ITGBL1: variants seen among roughly 807,000 people sequenced by gnomAD.
ITGBL1 encodes integrin subunit beta like 1, also known as integrin beta-like protein 1.
In ITGBL1, 51 loss-of-function variants were observed where a neutral mutation model predicts 68.5. That is an observed-to-expected ratio of 0.74 (90% CI 0.59 to 0.94). The LOEUF is 0.94. Among genes scored for constraint, ITGBL1 ranks in the 40% least tolerant of loss-of-function variants. The pLI is 0.00. For missense variants in ITGBL1, 649 were observed against 647.4 expected, an observed-to-expected ratio of 1.00 and a Z score of -0.03; for synonymous variants, 209 against 227.3, an observed-to-expected ratio of 0.92 and a Z score of 0.72.
intron 6 of ITGBL1, among the ~76,000 whole-genome samples, chr13:101,596,667 G>A (rs575156867): frequency 3.9e-5 from 6 of 152,000 alleles, no homozygotes; most frequent in Non-Finnish European, 8.8e-5. Flanking sequence ...GTTTGACCGT[G>A]GTTGTGAGAC....
chr13:101,497,828 G>A (rs951042824), intron 2 of ITGBL1, among the ~76,000 whole-genome samples: 6 of 151,462 alleles, frequency 4.0e-5, no homozygotes, highest in African/African-American at 1.5e-4. Context: ...CAAATATTTT[G>A]TCTCTTCTCA....
chr13:101,552,576 A>T (rs976988674), intron 2 of ITGBL1, among the ~76,000 whole-genome samples: 1 of 152,180 alleles, frequency 6.6e-6, no homozygotes, highest in Non-Finnish European at 1.5e-5. Flanking sequence ...TCCTTGTTTT[A>T]AGTCAGATCA....
At position 101,550,052 on chromosome 13, in the gene ITGBL1, A is replaced by G. The variant is rs552719230; in HGVS notation, c.317-17647A>G. ...AAAGGACTGCTAGATGATTATGGCT[A>G]TATACTATAGTCACAAATTATGCAT... On this transcript the variant is annotated intron_variant, in intron 2 of 10. Coordinates refer to ENST00000376180, the MANE Select transcript of ITGBL1 (RefSeq NM_004791.3). Among the ~76,000 whole-genome samples, 9 of 152,336 alleles carry G rather than the reference A, an allele frequency of 5.9e-5. No homozygotes were observed. In the South Asian group the frequency reaches 1.9e-3, roughly 32 times the overall value.
intron 7 of ITGBL1, among the ~76,000 whole-genome samples, chr13:101,692,050 A>G (rs976280479): frequency 1.3e-5 from 2 of 152,208 alleles, no homozygotes; most frequent in African/African-American, 4.8e-5. Context: ...TATTTAGGTT[A>G]TGCTCTTTGA....
At chr13:101,605,837 T>TATACATATGTATATGTGTATATATAC (rs1477995735) in intron 7 of ITGBL1, among the ~76,000 whole-genome samples, 10 of 149,908 alleles carry the variant, frequency 6.7e-5, no homozygotes, top group Non-Finnish European at 1.5e-5. Context: ...TGTATATATA[T>TATACATATGTATATGTGTATATATAC]GCATATACAT....
At chr13:101,690,465 T>C (rs1048464851) in intron 7 of ITGBL1, among the ~76,000 whole-genome samples, 19 of 152,176 alleles carry the variant, frequency 1.2e-4, no homozygotes, top group African/African-American at 4.1e-4. Flanking sequence ...CTGGAATGCA[T>C]TGCCCCTCAG....
downstream of ITGBL1, chr13:101,720,680 A>T (rs1329725345): frequency 6.6e-6 from 1 of 152,032 alleles, no homozygotes; most frequent in Admixed American, 6.6e-5. Context: ...ATATTATGGG[A>T]TCTATGTTTT....
chr13:101,464,674 C>T (rs1270413796), intron 2 of ITGBL1, among the ~76,000 whole-genome samples: 2 of 151,856 alleles, frequency 1.3e-5, no homozygotes, highest in Non-Finnish European at 2.9e-5. Flanking sequence ...AATATATATA[C>T]ACATATTTAT....
Position 101,715,739 on chromosome 13 carries a change from C to G in ITGBL1, c.*85C>G. ...CGAAGGAAACCATGTATATTCACCA[C>G]TAGGACAGGTTAAAAAGACCATTGT... On this transcript the variant is annotated 3_prime_UTR_variant, in exon 11 of 11. Transcript: ENST00000376180. The G allele has an allele frequency of 1.2e-6, 1 of 802,462 alleles. No homozygotes were observed. The highest frequency in any genetic ancestry group is 2.5e-5 in the East Asian group (1 of 40,382). The allele number at this position is 802,462 out of a possible 1,614,324, so 49.7% of individuals were successfully genotyped here. A position where few individuals can be genotyped will look rare whatever the true frequency, so the allele number is the denominator to read the frequency against.
intron 4 of ITGBL1, among the ~76,000 whole-genome samples, chr13:101,576,861 C>T (rs543650477): frequency 3.9e-5 from 6 of 151,952 alleles, no homozygotes; most frequent in South Asian, 2.1e-4. Flanking sequence ...TCTTAAAGGG[C>T]TCAGTCCAAA....
intron 3 of ITGBL1, among the ~76,000 whole-genome samples, chr13:101,571,574 CAG>C (rs2050273209): frequency 6.6e-6 from 1 of 152,090 alleles, no homozygotes; most frequent in South Asian, 2.1e-4. Context: ...AAAGTATACT[CAG>C]AGAATCATCC....
At chr13:101,583,183 C>T (rs1489907277) in intron 5 of ITGBL1, 33 bp from the exon 6 acceptor site, 1 of 1,603,364 alleles carries the variant, frequency 6.2e-7, no homozygotes, top group Admixed American at 1.7e-5. Context: ...TTTTTCTTGA[C>T]TGGATTCTTA....
At chr13:101,679,000 T>G (rs2033576771) in intron 7 of ITGBL1, among the ~76,000 whole-genome samples, 1 of 151,472 alleles carries the variant, frequency 6.6e-6, no homozygotes, top group Non-Finnish European at 1.5e-5. Context: ...TCCGACTCCC[T>G]GGATCAAGCG....
intron 7 of ITGBL1, among the ~76,000 whole-genome samples, chr13:101,677,319 C>G (rs1411466840): frequency 6.6e-6 from 1 of 151,502 alleles, no homozygotes; most frequent in Non-Finnish European, 1.5e-5. Context: ...TTGTGAAAGG[C>G]TTTTACTCTT....
chr13:101,645,097 G>A (rs995243646), intron 7 of ITGBL1, among the ~76,000 whole-genome samples: 2 of 152,106 alleles, frequency 1.3e-5, no homozygotes, highest in African/African-American at 4.8e-5. Flanking sequence ...CTTATTTTGA[G>A]GAAGTGTAAA....
At chr13:101,539,573 G>A (rs981114969) in intron 2 of ITGBL1, among the ~76,000 whole-genome samples, 1 of 151,910 alleles carries the variant, frequency 6.6e-6, no homozygotes, top group Non-Finnish European at 1.5e-5. Context: ...ACCCAGTAAT[G>A]GGATTGCTGG....
At chr13:101,558,558 T>C (rs2050048339) in intron 2 of ITGBL1, among the ~76,000 whole-genome samples, 1 of 152,150 alleles carries the variant, frequency 6.6e-6, no homozygotes, top group Non-Finnish European at 1.5e-5. Context: ...AATCTAGTGG[T>C]CTTCCCTTTC....
chr13:101,546,736 C>T (rs2049831623), intron 2 of ITGBL1, among the ~76,000 whole-genome samples: 1 of 151,952 alleles, frequency 6.6e-6, no homozygotes, highest in African/African-American at 2.4e-5. Context: ...CAACTTTTAT[C>T]TAGCAAGCTT....
At chr13:101,563,324 A>C (rs548838446) in intron 2 of ITGBL1, among the ~76,000 whole-genome samples, 30 of 151,766 alleles carry the variant, frequency 2.0e-4, no homozygotes, top group African/African-American at 7.0e-4. Context: ...GAAATTGAAA[A>C]GAGAAAAACA....
Sources: gnomAD v4.1 joint callset for allele counts (sites outside exome capture counted in the v4.1 genomes callset) on GRCh38, gnomAD v4.1.1 for gene constraint, MANE v1.5 for transcripts, NCBI Gene and HGNC (gene_info 2026-07-23, HGNC 2026-07-21) for gene names.